The following TMTC2 variants were observed in gnomAD, a reference collection of about 807,000 sequenced individuals.
TMTC2 encodes protein O-mannosyl-transferase TMTC2.
In TMTC2, 43 loss-of-function variants were observed where a neutral mutation model predicts 82.4. The ratio of observed to expected loss-of-function variants is 0.52; its 90% CI spans 0.41 to 0.67. TMTC2 has a LOEUF of 0.67. Ranked by LOEUF, TMTC2 falls within the 30% of genes least tolerant of loss-of-function variation. The pLI is 0.00. For missense variants in TMTC2, 919 were observed against 1,012.4 expected (o/e 0.91, Z 1.25); for synonymous variants, 408 against 381.9 (o/e 1.07, Z -0.80).
chr12:82,848,560 A>C lies in TMTC2; in HGVS notation c.84-8450A>C, dbSNP rs373676925. The stretch of plus-strand genomic sequence containing the variant: ...TCATTCCATTTTCAGTGTTCTTCAC[A>C]GTGCCTTGCTTATAAATGAATGAAT... On this transcript the variant is annotated intron_variant, in intron 1 of 11. Coordinates refer to ENST00000321196, the MANE Select transcript of TMTC2 (RefSeq NM_152588.3). 2.0e-5 allele frequency among the ~76,000 whole-genome samples: 3 copies of C among 152,256 alleles called. No individual in the cohort carries two copies. The South Asian group carries it at 6.2e-4, about 32-fold the overall frequency.
chr12:83,079,785 C>A (rs1592733495), intron 11 of TMTC2, among the ~76,000 whole-genome samples: 1 of 151,982 alleles, frequency 6.6e-6, no homozygotes. Flanking sequence ...ACAACAAATC[C>A]AAAATACATG....
rs370009839 is a variant in TMTC2 at position 82,781,158 on chromosome 12, CAACA to C, written c.84-75845_84-75842del. Among the ~76,000 whole-genome samples the C allele has an allele frequency of 9.2e-5, 14 of 152,018 alleles. 2 individuals are homozygous for C. Among genetic ancestry groups the C allele is most frequent in the African/African-American group, 3.4e-4 (14 of 41,502 alleles). The stretch of plus-strand genomic sequence containing the variant: ...AGCAAAAGCAGGATTAAAAACAAGA[CAACA>C]AACAAAATAGGACACGAGAGTATCG... On this transcript the variant is annotated intron_variant, in intron 1 of 11. Transcript: ENST00000321196.
At chr12:83,038,773 T>C (rs1881771417) in intron 9 of TMTC2, among the ~76,000 whole-genome samples, 1 of 152,120 alleles carries the variant, frequency 6.6e-6, no homozygotes, top group Non-Finnish European at 1.5e-5. Context: ...TATCAGAATG[T>C]TTAGAATGGA....
At chr12:83,124,616 C>T (rs145462420) in intron 11 of TMTC2, among the ~76,000 whole-genome samples, 1 of 148,230 alleles carries the variant, frequency 6.7e-6, no homozygotes, top group Non-Finnish European at 1.5e-5. Context: ...GGAAGAAGGA[C>T]TTTGTCAATG....
At chr12:82,917,594 T>A (rs1315255964) in intron 3 of TMTC2, among the ~76,000 whole-genome samples, 3 of 151,316 alleles carry the variant, frequency 2.0e-5, no homozygotes, top group Non-Finnish European at 2.9e-5. Context: ...GCTTTTATTT[T>A]ATTTATTTAT....
chr12:82,712,097 T>G (rs1248898643), intron 1 of TMTC2, among the ~76,000 whole-genome samples: 1 of 152,128 alleles, frequency 6.6e-6, no homozygotes, highest in African/African-American at 2.4e-5. Context: ...ACTCACCTCC[T>G]TCACCTTTCA....
intron 11 of TMTC2, among the ~76,000 whole-genome samples, chr12:83,087,196 A>G (rs1455997485): frequency 1.3e-5 from 2 of 152,190 alleles, no homozygotes; most frequent in Non-Finnish European, 2.9e-5. Context: ...TTGCTCATCC[A>G]TCAGAAGCAA....
intron 7 of TMTC2, among the ~76,000 whole-genome samples, chr12:82,983,076 G>T (rs920372713): frequency 1.3e-5 from 2 of 152,030 alleles, no homozygotes; most frequent in African/African-American, 4.8e-5. Context: ...GGCCACTTAG[G>T]GAGGCTGAGA....
At chr12:82,706,208 C>T (rs917893091) in intron 1 of TMTC2, among the ~76,000 whole-genome samples, 11 of 151,348 alleles carry the variant, frequency 7.3e-5, no homozygotes, top group Non-Finnish European at 2.9e-5. Context: ...ACTAGGGAGG[C>T]TGAGGCAGGA....
At chr12:82,726,042 T>C (rs1292118509) in intron 1 of TMTC2, among the ~76,000 whole-genome samples, 1 of 152,086 alleles carries the variant, frequency 6.6e-6, no homozygotes, top group Non-Finnish European at 1.5e-5. Context: ...ATGCAAATTT[T>C]CCCCCACAAA....
chr12:82,741,463 A>G (rs140082406), intron 1 of TMTC2, among the ~76,000 whole-genome samples: 315 of 152,226 alleles, frequency 2.1e-3, no homozygotes, highest in African/African-American at 6.8e-3. Context: ...GGCACGCGCC[A>G]CCACGCCTGG....
intron 3 of TMTC2, among the ~76,000 whole-genome samples, chr12:82,913,515 C>T (rs1298003444): frequency 1.3e-5 from 2 of 152,084 alleles, no homozygotes; most frequent in South Asian, 4.1e-4. Context: ...TGTCAATAAT[C>T]TGACAAGATT....
At chr12:82,945,387 C>T (rs1019607346) in intron 4 of TMTC2, among the ~76,000 whole-genome samples, 1 of 152,092 alleles carries the variant, frequency 6.6e-6, no homozygotes, top group African/African-American at 2.4e-5. Context: ...ATTTTATTGT[C>T]GTTTTCATCC....
At chr12:83,002,259 G>T (rs1255634440) in intron 8 of TMTC2, among the ~76,000 whole-genome samples, 1 of 152,074 alleles carries the variant, frequency 6.6e-6, no homozygotes, top group Non-Finnish European at 1.5e-5. Context: ...TAGTAATTTT[G>T]AAGGATCTTT....
chr12:82,904,418 C>T (rs546120986), intron 3 of TMTC2, among the ~76,000 whole-genome samples: 2 of 152,122 alleles, frequency 1.3e-5, no homozygotes, highest in African/African-American at 4.8e-5. Flanking sequence ...ATGCAAATGA[C>T]GATGAGTAAA....
chr12:82,886,505 A>C (rs925939624), intron 2 of TMTC2, among the ~76,000 whole-genome samples: 1 of 152,214 alleles, frequency 6.6e-6, no homozygotes, highest in Admixed American at 6.5e-5. Flanking sequence ...TATGGGTTTA[A>C]GTGAACAAAA....
In TMTC2 at chr12:82,866,110, G is replaced by A. The variant is rs568821613; in HGVS notation, c.654+8530G>A. ...CATCACAATTAAAAGAACTAGAGAA[G>A]CAAGAGCCAACACATTCAAAAGCTA... On this transcript the variant is annotated intron_variant, in intron 2 of 11. Coordinates refer to ENST00000321196, the MANE Select transcript of TMTC2 (RefSeq NM_152588.3). Among the ~76,000 whole-genome samples, 12 of 152,030 alleles carry A rather than the reference G, an allele frequency of 7.9e-5. No homozygotes were observed. The South Asian group carries it at 2.5e-3, about 32-fold the overall frequency.
At chr12:82,936,355 G>C (rs1282744997) in intron 4 of TMTC2, among the ~76,000 whole-genome samples, 1 of 151,892 alleles carries the variant, frequency 6.6e-6, no homozygotes, top group African/African-American at 2.4e-5. Flanking sequence ...AAAACTGATT[G>C]CAATGTATCT....
At chr12:82,912,531 C>T (rs1017510407) in intron 3 of TMTC2, among the ~76,000 whole-genome samples, 19 of 152,160 alleles carry the variant, frequency 1.2e-4, no homozygotes, top group African/African-American at 4.6e-4. Context: ...AGTCAGTTGA[C>T]TTAATCTCTT....
Sources: gnomAD v4.1 joint callset for allele counts (sites outside exome capture counted in the v4.1 genomes callset) on GRCh38, gnomAD v4.1.1 for gene constraint, MANE v1.5 for transcripts, NCBI Gene and HGNC (gene_info 2026-07-23, HGNC 2026-07-21) for gene names.